UGT2A1: variants seen among roughly 807,000 people sequenced by gnomAD.
UGT2A1 encodes UDP glucuronosyltransferase family 2 member A1 complex locus, also known as UDP-glucuronosyltransferase 2A1.
In UGT2A1, 61 loss-of-function variants were observed where a neutral mutation model predicts 45.4. The ratio of observed to expected loss-of-function variants is 1.34; its 90% CI spans 1.09 to 1.66. The LOEUF is 1.66. Ranked by LOEUF, UGT2A1 falls within the 40% of genes most tolerant of loss-of-function variation. The probability of loss-of-function intolerance (pLI) is 0.00; values close to 1 mark genes in which losing one functional copy is unlikely to be tolerated. For synonymous variants in UGT2A1, 229 were observed against 196.2 expected (o/e 1.17, Z -1.40); for missense variants, 649 against 574.3 (o/e 1.13, Z -1.33).
At chr4:69,595,339 T>G in intron 4 of UGT2A1, 90 bp from the exon 5 acceptor site, 1 of 1,461,592 alleles carries the variant, frequency 6.8e-7, no homozygotes, top group Non-Finnish European at 9.4e-7. Context: ...TTTAGCCAGC[T>G]ACTTGGAAGA....
intron 6 of UGT2A1, among the ~76,000 whole-genome samples, chr4:69,593,984 T>TG (rs1256936307): frequency 1.4e-4 from 21 of 148,524 alleles, no homozygotes; most frequent in Non-Finnish European, 2.4e-4. Context: ...TTTGTTTGTT[T>TG]TTTTTTTTGA....
chr4:69,601,904 G>A (rs546637526), intron 3 of UGT2A1, among the ~76,000 whole-genome samples: 1 of 136,582 alleles, frequency 7.3e-6, no homozygotes, highest in African/African-American at 3.0e-5. Context: ...CTTGGGCAAA[G>A]GAGGGCTGTA....
At chr4:69,638,937 T>A in intron 2 of UGT2A1, 1 of 1,611,214 alleles carries the variant, frequency 6.2e-7, no homozygotes, top group Non-Finnish European at 8.5e-7. Flanking sequence ...TTCTCCCCAG[T>A]AGGACTGAAA....
chr4:69,615,710 G>A (rs780241471), intron 3 of UGT2A1, among the ~76,000 whole-genome samples: 7 of 151,798 alleles, frequency 4.6e-5, no homozygotes, highest in Non-Finnish European at 8.8e-5. Context: ...TGACCCCGCC[G>A]CAAAAACAAA....
chr4:69,629,524 G>T (rs1162518288), intron 3 of UGT2A1, among the ~76,000 whole-genome samples: 1 of 151,954 alleles, frequency 6.6e-6, no homozygotes, highest in East Asian at 1.9e-4. Context: ...TTGCTCTGAG[G>T]GTCTGGAGTC....
At chr4:69,596,494 C>T in intron 4 of UGT2A1, 3 of 1,315,950 alleles carry the variant, frequency 2.3e-6, no homozygotes, top group Non-Finnish European at 2.9e-6. Context: ...AACTGTTGAA[C>T]TGTCTGTCTT....
rs775251542 is a variant in UGT2A1 at position 69,589,662 on chromosome 4, A to G, written c.1305-11T>C. ...GCATTCTCTTTATAACTAGAAGACA[A>G]ATAAATAGGCAGAAATTAGACAATT... On this transcript the variant is annotated splice_polypyrimidine_tract_variant and intron_variant, in intron 6 of 6. Coordinates refer to ENST00000286604, the MANE Select transcript of UGT2A1 (RefSeq NM_001252275.3). 3.7e-5 allele frequency: 59 copies of G among 1,582,498 alleles called. No individual in the cohort carries two copies. Among genetic ancestry groups the G allele is most frequent in the Non-Finnish European group, 4.4e-5 (51 of 1,163,086 alleles).
chr4:69,597,769 T>C (rs532997217), intron 4 of UGT2A1, among the ~76,000 whole-genome samples: 52 of 152,024 alleles, frequency 3.4e-4, no homozygotes, highest in African/African-American at 1.3e-3. Context: ...TACACATCTA[T>C]CATACTGATA....
chr4:69,649,583 C>CT (rs1722429976), intron 1 of UGT2A1, among the ~76,000 whole-genome samples: 2 of 152,074 alleles, frequency 1.3e-5, no homozygotes, highest in African/African-American at 4.8e-5. Flanking sequence ...TGGTAAAATT[C>CT]TTTTTAACAA....
chr4:69,629,961 TA>T (rs1422002121), intron 3 of UGT2A1, among the ~76,000 whole-genome samples: 1 of 152,064 alleles, frequency 6.6e-6, no homozygotes, highest in African/African-American at 2.4e-5. Flanking sequence ...CTTTGTAAAA[TA>T]TTTTTTCCTT....
In UGT2A1 at chr4:69,605,785, C is replaced by A. The variant is rs1347398883; in HGVS notation, c.848-6391G>T. On this transcript the variant is annotated intron_variant, in intron 3 of 6. Coordinates refer to ENST00000286604, the MANE Select transcript of UGT2A1 (RefSeq NM_001252275.3). ...AAATACAAAGTACCATCAGAGAATA[C>A]TATAAACACCTCTACACAAATAAAC... Among the ~76,000 whole-genome samples the A allele has an allele frequency of 1.5e-5, 2 of 136,822 alleles. 1 individual carries two copies. The allele number at this position is 136,822 out of a possible 152,430, so 89.8% of individuals were successfully genotyped here. A position where few individuals can be genotyped will look rare whatever the true frequency, so the allele number is the denominator to read the frequency against.
intron 3 of UGT2A1, among the ~76,000 whole-genome samples, chr4:69,625,985 T>G (rs1412423887): frequency 6.6e-6 from 1 of 151,594 alleles, no homozygotes; most frequent in Non-Finnish European, 1.5e-5. Context: ...ACAAGCTATT[T>G]ATAATAGCTG....
At chr4:69,607,218 GA>G (rs1719684968) in intron 3 of UGT2A1, among the ~76,000 whole-genome samples, 2 of 150,146 alleles carry the variant, frequency 1.3e-5, no homozygotes, top group Admixed American at 6.6e-5. Flanking sequence ...TACCAAAACA[GA>G]GATAAAGACC....
chr4:69,597,820 T>C (rs1247557631), intron 4 of UGT2A1, among the ~76,000 whole-genome samples: 4 of 152,136 alleles, frequency 2.6e-5, no homozygotes, highest in African/African-American at 7.2e-5. Context: ...TTTTGTATTC[T>C]GTGTACCCAG....
intron 3 of UGT2A1, among the ~76,000 whole-genome samples, chr4:69,607,804 A>C (rs956255287): frequency 3.3e-5 from 5 of 152,214 alleles, no homozygotes; most frequent in Non-Finnish European, 7.3e-5. Flanking sequence ...ATGCAGCCAA[A>C]AGACACATGA....
intron 1 of UGT2A1, among the ~76,000 whole-genome samples, 194 bp downstream of exon 1, chr4:69,652,994 T>C (rs979363): frequency 0.016 from 2,473 of 152,310 alleles, 53 homozygotes; most frequent in East Asian, 0.072. Flanking sequence ...TAAAATTATT[T>C]TGAAGTATAA....
intron 3 of UGT2A1, among the ~76,000 whole-genome samples, chr4:69,601,674 C>T (rs1719303601): frequency 6.6e-6 from 1 of 152,020 alleles, no homozygotes; most frequent in Non-Finnish European, 1.5e-5. Flanking sequence ...ATTGCTAAGG[C>T]CAATAACCAA....
chr4:69,595,221 G>A lies in UGT2A1; in HGVS notation c.1025C>T (p.Pro342Leu), dbSNP rs141445080. 35 of 1,613,736 alleles carry A rather than the reference G, an allele frequency of 2.2e-5. No individual in the cohort carries two copies. Among genetic ancestry groups the A allele is most frequent in the Non-Finnish European group, 2.9e-5 (34 of 1,179,846 alleles). The change falls in exon 5 of 7, where the codon CCA becomes CTA. Residue 342 changes from proline (P) to leucine (L), a missense_variant. Pro to Leu is a moderately conservative substitution (Grantham distance 98, BLOSUM62 -3). Coordinates refer to ENST00000286604, the MANE Select transcript of UGT2A1 (RefSeq NM_001252275.3). ...KVLWRYKGKK[P>L]ATLGNNTQLF... The stretch of plus-strand genomic sequence containing the variant: ...CTGAGTATTGTTTCCTAATGTGGCT[G>A]GTTTCTTTCCTTTGTATCTCCATAA...
chr4:69,634,779 G>T (rs571958342), intron 3 of UGT2A1, among the ~76,000 whole-genome samples: 31 of 152,198 alleles, frequency 2.0e-4, no homozygotes, highest in Admixed American at 4.6e-4. Context: ...TCTAATAAGA[G>T]ATATCTAAAA....
Sources: gnomAD v4.1 joint callset for allele counts (sites outside exome capture counted in the v4.1 genomes callset) on GRCh38, gnomAD v4.1.1 for gene constraint, MANE v1.5 for transcripts, NCBI Gene and HGNC (gene_info 2026-07-23, HGNC 2026-07-21) for gene names.